PCDH11X: variants seen among roughly 807,000 people sequenced by gnomAD.
PCDH11X encodes the protein protocadherin 11 X-linked.
In PCDH11X, 18 loss-of-function variants were observed where a neutral mutation model predicts 53.3. The ratio of observed to expected loss-of-function variants is 0.34; its 90% CI spans 0.23 to 0.50. The LOEUF is 0.50. Among genes scored for constraint, PCDH11X ranks in the 20% least tolerant of loss-of-function variants. The pLI is 0.98. For synonymous variants in PCDH11X, 279 were observed against 393.3 expected (o/e 0.71, Z 3.44); for missense variants, 570 against 1,032.4 (o/e 0.55, Z 6.14).
At chrX:92,391,742 A>C (rs1261192813) in intron 9 of PCDH11X, among the ~76,000 whole-genome samples, 1 of 111,081 alleles carries the variant, frequency 9.0e-6, no homozygotes, top group Non-Finnish European at 1.9e-5. Flanking sequence ...CTGCTATTTC[A>C]CTATAGGTAA....
intron 6 of PCDH11X, among the ~76,000 whole-genome samples, chrX:92,129,729 A>T (rs1206008851): frequency 9.0e-6 from 1 of 111,372 alleles, no homozygotes; most frequent in Non-Finnish European, 1.9e-5. Flanking sequence ...CTCTTAAGAG[A>T]GAGGATACTT....
intron 6 of PCDH11X, among the ~76,000 whole-genome samples, chrX:92,145,884 T>C (rs1402478152): frequency 9.3e-6 from 1 of 106,995 alleles, no homozygotes; most frequent in Non-Finnish European, 1.9e-5. Flanking sequence ...TCCACTTTCT[T>C]AGAAACTATT....
In PCDH11X at chrX:91,989,435, C is replaced by T. The variant is rs781104688; in HGVS notation, c.3033+110162C>T. On this transcript the variant is annotated intron_variant, in intron 6 of 10. Coordinates refer to ENST00000682573, the MANE Select transcript of PCDH11X (RefSeq NM_032968.5). ...AAAATGTGCCAGGTGTGGTGGTGGA[C>T]GCCTGTAGTCCCAGCTACTCGGGAG... 3.6e-5 allele frequency among the ~76,000 whole-genome samples: 4 copies of T among 110,361 alleles called. No individual in the cohort carries two copies. The East Asian group carries it at 1.2e-3, about 32-fold the overall frequency.
intron 8 of PCDH11X, among the ~76,000 whole-genome samples, chrX:92,382,299 C>A (rs779948184): frequency 9.0e-6 from 1 of 111,347 alleles, no homozygotes; most frequent in East Asian, 2.8e-4. Flanking sequence ...GACAGTGAAT[C>A]TAAAGGAAGA....
intron 8 of PCDH11X, among the ~76,000 whole-genome samples, chrX:92,336,234 C>CT: frequency 1.8e-5 from 2 of 111,261 alleles, no homozygotes; most frequent in South Asian, 7.4e-4. Context: ...ATGGAAGATC[C>CT]TTTTTCAAAT....
At chrX:91,894,801 C>T (rs1242866845) in intron 6 of PCDH11X, among the ~76,000 whole-genome samples, 1 of 111,089 alleles carries the variant, frequency 9.0e-6, no homozygotes, top group Non-Finnish European at 1.9e-5. Context: ...AGACTTGCAA[C>T]ATATCCTTTT....
At chrX:92,209,412 C>T (rs1174236854) in intron 7 of PCDH11X, among the ~76,000 whole-genome samples, 1 of 112,098 alleles carries the variant, frequency 8.9e-6, no homozygotes, top group African/African-American at 3.2e-5. Flanking sequence ...GCTACAGGCC[C>T]TACGCAAGTC....
chrX:92,206,145 TA>T (rs1367278699), intron 7 of PCDH11X, among the ~76,000 whole-genome samples: 4 of 111,860 alleles, frequency 3.6e-5, no homozygotes, highest in Non-Finnish European at 7.5e-5. Context: ...AGATAGACCA[TA>T]GACTGATGGG....
chrX:92,228,866 C>A (rs1474132027), intron 7 of PCDH11X, among the ~76,000 whole-genome samples: 1 of 111,903 alleles, frequency 8.9e-6, no homozygotes, highest in East Asian at 2.8e-4. Context: ...AACTTTTTCA[C>A]TATGTGAGAC....
intron 9 of PCDH11X, 84 bp from the exon 10 acceptor site, chrX:92,468,215 T>A (rs1468090175): frequency 7.7e-6 from 7 of 911,692 alleles, no homozygotes; most frequent in Non-Finnish European, 1.0e-5. Flanking sequence ...TTACAAATTA[T>A]ATTTATTTAG....
intron 10 of PCDH11X, among the ~76,000 whole-genome samples, chrX:92,510,368 A>C (rs2074141834): frequency 9.5e-6 from 1 of 104,886 alleles, no homozygotes; most frequent in Non-Finnish European, 2.0e-5. Context: ...TGATTAAAAA[A>C]GTTAAATAAA....
At chrX:91,953,244 T>TCAC (rs1236780243) in intron 6 of PCDH11X, among the ~76,000 whole-genome samples, 1 of 110,935 alleles carries the variant, frequency 9.0e-6, no homozygotes, top group East Asian at 2.8e-4. Flanking sequence ...GATACCCCAT[T>TCAC]CACCATGATG....
At chrX:92,207,018 G>C (rs1300820868) in intron 7 of PCDH11X, among the ~76,000 whole-genome samples, 2 of 111,604 alleles carry the variant, frequency 1.8e-5, no homozygotes, top group East Asian at 5.7e-4. Context: ...ATCATTTTTT[G>C]TGAGTATCTT....
chrX:91,840,186 T>A (rs1320906706), intron 5 of PCDH11X, among the ~76,000 whole-genome samples: 2 of 111,541 alleles, frequency 1.8e-5, no homozygotes, highest in African/African-American at 6.5e-5. Context: ...GGAAATTAGT[T>A]TATATAATGA....
Position 92,544,770 on chromosome X carries a change from G to T in PCDH11X, c.3368-73494G>T, listed in dbSNP as rs754891153. Among the ~76,000 whole-genome samples, 4 of 109,064 alleles carry T rather than the reference G, an allele frequency of 3.7e-5. No homozygotes were observed. In the East Asian group the frequency reaches 1.2e-3, roughly 32 times the overall value. The allele number at this position is 109,064 out of a possible 115,157, so 94.7% of individuals were successfully genotyped here. On this transcript the variant is annotated intron_variant, in intron 10 of 10. Transcript: ENST00000682573. ...CTAATCTAATCAAAGCTTTCATGAA[G>T]AAATGTCTTTTATGGAGGAAATTTA...
intron 5 of PCDH11X, among the ~76,000 whole-genome samples, chrX:91,869,980 G>A (rs1425534441): frequency 8.9e-6 from 1 of 111,903 alleles, no homozygotes; most frequent in Non-Finnish European, 1.9e-5. Context: ...CTCCTAGGAT[G>A]TTTACAGAAT....
chrX:91,908,376 C>T (rs1396796771), intron 6 of PCDH11X, among the ~76,000 whole-genome samples: 13 of 112,072 alleles, frequency 1.2e-4, no homozygotes, highest in Non-Finnish European at 1.7e-4. Flanking sequence ...ATGAAATGAA[C>T]AGACACTTCT....
chrX:91,856,682 A>C (rs912439311), intron 5 of PCDH11X, among the ~76,000 whole-genome samples: 2 of 109,979 alleles, frequency 1.8e-5, no homozygotes, highest in African/African-American at 6.6e-5. Flanking sequence ...GATCCCACTT[A>C]TAAGTTAGAA....
chrX:92,281,142 G>A (rs986059307), intron 8 of PCDH11X, among the ~76,000 whole-genome samples: 16 of 111,226 alleles, frequency 1.4e-4, no homozygotes, highest in African/African-American at 4.3e-4. Flanking sequence ...ACTTTTCTGG[G>A]CATCATCATC....
Sources: gnomAD v4.1 joint callset for allele counts (sites outside exome capture counted in the v4.1 genomes callset) on GRCh38, gnomAD v4.1.1 for gene constraint, MANE v1.5 for transcripts, NCBI Gene and HGNC (gene_info 2026-07-23, HGNC 2026-07-21) for gene names.